Variants in PRKAG2 observed in about 807,000 individuals in gnomAD.
PRKAG2 encodes protein kinase AMP-activated non-catalytic subunit gamma 2.
A neutral mutation model predicts 69.6 loss-of-function variants in PRKAG2; 26 were observed. The ratio of observed to expected loss-of-function variants is 0.37; its 90% CI spans 0.27 to 0.52. PRKAG2 has a LOEUF of 0.52. Among genes scored for constraint, PRKAG2 ranks in the 20% least tolerant of loss-of-function variants. The probability of loss-of-function intolerance (pLI) is 0.90; values close to 1 mark genes in which losing one functional copy is unlikely to be tolerated. For synonymous variants in PRKAG2, 293 were observed against 285.0 expected (o/e 1.03, Z -0.28); for missense variants, 557 against 740.0 (o/e 0.75, Z 2.87).
intron 3 of PRKAG2, among the ~76,000 whole-genome samples, chr7:151,690,641 A>G (rs554673619): frequency 2.6e-5 from 4 of 152,318 alleles, no homozygotes; most frequent in Admixed American, 2.6e-4. Context: ...CCAGGTTTCT[A>G]GAATCAGTGC....
In PRKAG2 at chr7:151,854,294, T is replaced by TG. The variant is rs773580077; in HGVS notation, c.114+22212dup. On this transcript the variant is annotated intron_variant, in intron 1 of 15. Transcript: ENST00000287878. ...CATGCCTCCCTTCCCCCCACACACA[T>TG]GCACACACACGAACACACGTGCACA... Among the ~76,000 whole-genome samples the TG allele has an allele frequency of 1.2e-4, 19 of 152,302 alleles. No homozygotes were observed. In the East Asian group the frequency reaches 3.7e-3, roughly 29 times the overall value.
chr7:151,675,672 G>T lies in PRKAG2; in HGVS notation c.467-35C>A, dbSNP rs201370748. On this transcript the variant is annotated intron_variant, in intron 3 of 15. Coordinates refer to ENST00000287878, the MANE Select transcript of PRKAG2 (RefSeq NM_016203.4). ...AAACACCAAGGACGGTCAGAGGTCC[G>T]GCTTCCAGGAAGGGACGTCGGGGGT... is the stretch of plus-strand genomic sequence containing the variant. 192 of 1,574,436 alleles carry T rather than the reference G, an allele frequency of 1.2e-4. No homozygotes were observed. The African/African-American group carries it at 2.4e-3, about 19-fold the overall frequency.
At chr7:151,598,326 G>C (rs570487900) in intron 5 of PRKAG2, among the ~76,000 whole-genome samples, 7 of 152,262 alleles carry the variant, frequency 4.6e-5, no homozygotes, top group Admixed American at 3.3e-4. Context: ...TATGAGGAGA[G>C]GTTGGTCAGT....
At chr7:151,691,159 T>A (rs1417651650) in intron 3 of PRKAG2, among the ~76,000 whole-genome samples, 1 of 152,218 alleles carries the variant, frequency 6.6e-6, no homozygotes, top group African/African-American at 2.4e-5. Context: ...TAAAATGGTG[T>A]AATACGTGCA....
intron 3 of PRKAG2, among the ~76,000 whole-genome samples, chr7:151,758,878 C>T (rs751240224): frequency 2.6e-4 from 40 of 152,282 alleles, no homozygotes; most frequent in African/African-American, 7.2e-4. Flanking sequence ...CTTTCTGTAG[C>T]GGGCAAGACT....
At chr7:151,569,296 T>C (rs1806999124) in intron 10 of PRKAG2, among the ~76,000 whole-genome samples, 1 of 152,256 alleles carries the variant, frequency 6.6e-6, no homozygotes, top group South Asian at 2.1e-4. Context: ...TGGCCTCCCA[T>C]AGTGCTGGGA....
At position 151,699,583 on chromosome 7, in the gene PRKAG2, G is replaced by C. The variant is rs982939903; in HGVS notation, c.467-23946C>G. Among the ~76,000 whole-genome samples, 1 of 152,230 alleles carries C rather than the reference G, an allele frequency of 6.6e-6. No individual in the cohort carries two copies. Among genetic ancestry groups the C allele is most frequent in the Non-Finnish European group, 1.5e-5 (1 of 68,034 alleles). On this transcript the variant is annotated intron_variant, in intron 3 of 15. Coordinates refer to ENST00000287878, the MANE Select transcript of PRKAG2 (RefSeq NM_016203.4). The surrounding 1 kb of genome is among the most constrained non-coding windows in gnomAD (Gnocchi z 4.5). ...CTTTGAAATAAATCAGTGAATCAAT[G>C]AGATGAGAAGTATTCACTGGGCACC...
At chr7:151,679,224 G>A (rs1833439896) in intron 3 of PRKAG2, among the ~76,000 whole-genome samples, 2 of 152,182 alleles carry the variant, frequency 1.3e-5, no homozygotes, top group Admixed American at 1.3e-4. Flanking sequence ...AGGGCTCGGG[G>A]AGGCCTGCCC....
chr7:151,645,434 T>A (rs75953658), intron 4 of PRKAG2, among the ~76,000 whole-genome samples: 5,377 of 152,262 alleles, frequency 0.035, 310 homozygotes, highest in African/African-American at 0.12. Flanking sequence ...ACATCTTGAT[T>A]GCAAGCTTCA....
chr7:151,827,127 CTG>C (rs1423496310), intron 1 of PRKAG2, among the ~76,000 whole-genome samples: 1 of 152,242 alleles, frequency 6.6e-6, no homozygotes, highest in African/African-American at 2.4e-5. Flanking sequence ...GAAATCATCT[CTG>C]GAGTTCAAAA....
intron 4 of PRKAG2, among the ~76,000 whole-genome samples, chr7:151,673,415 C>T (rs540309002): frequency 2.0e-5 from 3 of 152,214 alleles, no homozygotes; most frequent in South Asian, 4.1e-4. Context: ...ATCAGACCAG[C>T]GGTTTTCCGT....
At chr7:151,847,347 G>A (rs888169542) in intron 1 of PRKAG2, among the ~76,000 whole-genome samples, 4 of 151,998 alleles carry the variant, frequency 2.6e-5, no homozygotes, top group East Asian at 1.9e-4. Flanking sequence ...AGGCTGGGGC[G>A]ACAGGAGCCT....
Position 151,719,574 on chromosome 7 carries a change from C to T in PRKAG2, c.467-43937G>A, listed in dbSNP as rs533891537. ...GAAAGAAGATGCCCCCTGTCTTCTGCCTCCTACCCTCATCCTTCCCGGGCA... is the reference window on the plus strand; with the variant it reads ...GAAAGAAGATGCCCCCTGTCTTCTGTCTCCTACCCTCATCCTTCCCGGGCA... On this transcript the variant is annotated intron_variant, in intron 3 of 15. Coordinates refer to ENST00000287878, the MANE Select transcript of PRKAG2 (RefSeq NM_016203.4). This position sits in a 1 kb window ranked among gnomAD's most constrained non-coding sequence, Gnocchi z 5.2. Among the ~76,000 whole-genome samples, 1 of 152,132 alleles carries T rather than the reference C, an allele frequency of 6.6e-6. No homozygotes were observed. Among genetic ancestry groups the T allele is most frequent in the African/African-American group, 2.4e-5 (1 of 41,456 alleles).
At position 151,796,151 on chromosome 7, in the gene PRKAG2, G is replaced by A. The variant is rs376277852; in HGVS notation, c.115-9610C>T. Among the ~76,000 whole-genome samples the A allele has an allele frequency of 2.9e-4, 44 of 152,106 alleles. No individual in the cohort carries two copies. In the South Asian group the frequency reaches 8.5e-3, roughly 29 times the overall value. On this transcript the variant is annotated intron_variant, in intron 1 of 15. Coordinates refer to ENST00000287878, the MANE Select transcript of PRKAG2 (RefSeq NM_016203.4). ...CCTAGGCCCCCTCACCCGAGCTGGT[G>A]GGGACAGACATGGGGAGAGTCCAGG...
At chr7:151,710,930 C>A (rs925690854) in intron 3 of PRKAG2, among the ~76,000 whole-genome samples, 2 of 151,748 alleles carry the variant, frequency 1.3e-5, no homozygotes, top group African/African-American at 4.8e-5. Context: ...GCTAGGCTTA[C>A]AAAGTACTAA....
intron 3 of PRKAG2, among the ~76,000 whole-genome samples, chr7:151,726,384 ACACACACACACACACACG>A (rs1284772568): frequency 1.2e-5 from 1 of 86,460 alleles, no homozygotes; most frequent in Non-Finnish European, 3.6e-5. Flanking sequence ...ACACACACAC[ACACACACACACACACACG>A]CACACACACA....
intron 3 of PRKAG2, among the ~76,000 whole-genome samples, chr7:151,712,374 G>A (rs1031787118): frequency 6.6e-6 from 1 of 152,192 alleles, no homozygotes; most frequent in Non-Finnish European, 1.5e-5. Flanking sequence ...CAGGAGACTG[G>A]GTCCCTCTCC....
Position 151,631,954 on chromosome 7 carries a change from A to G in PRKAG2, c.754+115T>C, listed in dbSNP as rs564772373. On this transcript the variant is annotated intron_variant, in intron 5 of 15. Transcript: ENST00000287878. Reference sequence around the variant, plus strand: ...GCCCCGGCCCCTGGGCTTCCGCAGGACGCAGCTCGCCGTGGGGCAGCGCCG... The same window carrying G: ...GCCCCGGCCCCTGGGCTTCCGCAGGGCGCAGCTCGCCGTGGGGCAGCGCCG... 2.5e-4 allele frequency: 252 copies of G among 1,024,982 alleles called. No individual in the cohort carries two copies. In the African/African-American group the frequency reaches 3.2e-3, roughly 13 times the overall value. 63.5% of individuals were successfully genotyped at this position (1,024,982 alleles called of 1,614,324 possible).
Position 151,788,316 on chromosome 7 carries a change from A to G in PRKAG2, c.115-1775T>C, listed in dbSNP as rs1338726021. On this transcript the variant is annotated intron_variant, in intron 1 of 15. Coordinates refer to ENST00000287878, the MANE Select transcript of PRKAG2 (RefSeq NM_016203.4). This position sits in a 1 kb window ranked among gnomAD's most constrained non-coding sequence, Gnocchi z 4.6. ...CCATCTTAAGTGGGCGTGAGCTGGTATCTCATTGTGGTTTTGATTTGCATT... is the reference window on the plus strand; with the variant it reads ...CCATCTTAAGTGGGCGTGAGCTGGTGTCTCATTGTGGTTTTGATTTGCATT... 4.6e-5 allele frequency among the ~76,000 whole-genome samples: 7 copies of G among 152,224 alleles called. No homozygotes were observed. The highest frequency in any genetic ancestry group is 1.7e-4 in the African/African-American group (7 of 41,454).
Sources: gnomAD v4.1 joint callset for allele counts (sites outside exome capture counted in the v4.1 genomes callset) on GRCh38, gnomAD v4.1.1 for gene constraint, Gnocchi (gnomAD v3.1) non-coding constraint, MANE v1.5 for transcripts, NCBI Gene and HGNC (gene_info 2026-07-23, HGNC 2026-07-21) for gene names.